The following C10orf90 variants were observed in gnomAD, a reference collection of about 807,000 sequenced individuals.
C10orf90 encodes (E2-independent) E3 ubiquitin-conjugating enzyme FATS.
C10orf90 carries 56 observed loss-of-function variants against 62.5 expected under a neutral mutation model. The ratio of observed to expected loss-of-function variants is 0.90; its 90% CI spans 0.72 to 1.12. C10orf90 has a LOEUF of 1.12. C10orf90 is among the 50% of genes most tolerant of loss of function. The pLI is 0.00. For missense variants in C10orf90, 970 were observed against 880.4 expected, an observed-to-expected ratio of 1.10 and a Z score of -1.29; for synonymous variants, 386 against 340.4, an observed-to-expected ratio of 1.13 and a Z score of -1.47.
At chr10:126,657,901 C>T (rs887434163) in intron 1 of C10orf90, among the ~76,000 whole-genome samples, 2 of 152,126 alleles carry the variant, frequency 1.3e-5, no homozygotes, top group African/African-American at 2.4e-5. Context: ...CAGGCATGAG[C>T]CACTGTGCCC....
intron 2 of C10orf90, among the ~76,000 whole-genome samples, chr10:126,582,786 T>C (rs1844780608): frequency 6.6e-6 from 1 of 152,200 alleles, no homozygotes; most frequent in South Asian, 2.1e-4. Flanking sequence ...TTACCTCCAA[T>C]AATCTCAAGG....
intron 2 of C10orf90, among the ~76,000 whole-genome samples, chr10:126,642,219 G>A (rs1011914886): frequency 7.2e-5 from 11 of 152,246 alleles, no homozygotes; most frequent in African/African-American, 1.9e-4. Flanking sequence ...CAAGGTCAAC[G>A]CTGGCACTAC....
chr10:126,624,069 C>T (rs1055522237), intron 2 of C10orf90, among the ~76,000 whole-genome samples: 1 of 151,926 alleles, frequency 6.6e-6, no homozygotes, highest in Non-Finnish European at 1.5e-5. Flanking sequence ...CAACTGGGGC[C>T]TAGCGCGGTG....
intron 2 of C10orf90, among the ~76,000 whole-genome samples, chr10:126,542,657 T>TA (rs999423984): frequency 2.0e-5 from 3 of 152,122 alleles, no homozygotes; most frequent in African/African-American, 7.2e-5. Context: ...TTAACTCAAT[T>TA]AAAAAAGCAA....
intron 2 of C10orf90, among the ~76,000 whole-genome samples, chr10:126,593,671 G>A (rs1423084157): frequency 6.6e-6 from 1 of 152,038 alleles, no homozygotes; most frequent in Admixed American, 6.6e-5. Context: ...TAACAAACCT[G>A]CACATGTGCC....
chr10:126,444,874 T>TA (rs1288367820), intron 7 of C10orf90, among the ~76,000 whole-genome samples: 6 of 152,174 alleles, frequency 3.9e-5, no homozygotes, highest in Non-Finnish European at 5.9e-5. Context: ...CTCAAATACT[T>TA]ACAGCCACTG....
At chr10:126,547,421 A>T (rs1363053806) in intron 2 of C10orf90, among the ~76,000 whole-genome samples, 12 of 151,406 alleles carry the variant, frequency 7.9e-5, no homozygotes, top group African/African-American at 2.2e-4. Context: ...TGTCAAAAAA[A>T]AAAAAAATAA....
At chr10:126,474,118 GT>G (rs1860732043) in intron 4 of C10orf90, among the ~76,000 whole-genome samples, 1 of 152,142 alleles carries the variant, frequency 6.6e-6, no homozygotes, top group African/African-American at 2.4e-5. Flanking sequence ...AATCTGCATT[GT>G]AACCAGTTCC....
intron 2 of C10orf90, among the ~76,000 whole-genome samples, chr10:126,535,688 G>A (rs186556049): frequency 6.4e-4 from 98 of 152,206 alleles, no homozygotes; most frequent in African/African-American, 2.4e-3. Context: ...GGAAATAAAC[G>A]TGGAGAAAAA....
chr10:126,471,387 A>G (rs1469364111), intron 4 of C10orf90, among the ~76,000 whole-genome samples: 1 of 152,238 alleles, frequency 6.6e-6, no homozygotes, highest in Non-Finnish European at 1.5e-5. Flanking sequence ...GTCAACCATT[A>G]GAACCTTTTC....
At chr10:126,609,821 G>A (rs1204477032) in intron 2 of C10orf90, among the ~76,000 whole-genome samples, 1 of 152,240 alleles carries the variant, frequency 6.6e-6, no homozygotes, top group Non-Finnish European at 1.5e-5. Flanking sequence ...GGTTTGTTCT[G>A]AGAGAGCTGT....
At chr10:126,483,750 C>G (rs139770521) in intron 4 of C10orf90, among the ~76,000 whole-genome samples, 6 of 152,334 alleles carry the variant, frequency 3.9e-5, no homozygotes, top group African/African-American at 7.2e-5. Flanking sequence ...TCAGAGGCCC[C>G]AGAGTGAGGC....
At chr10:126,444,227 A>G (rs1466833475) in intron 7 of C10orf90, among the ~76,000 whole-genome samples, 1 of 152,152 alleles carries the variant, frequency 6.6e-6, no homozygotes, top group Non-Finnish European at 1.5e-5. Flanking sequence ...ACAGGAGGTC[A>G]AACTGTCACT....
intron 2 of C10orf90, among the ~76,000 whole-genome samples, chr10:126,590,011 A>G (rs72839056): frequency 0.1 from 15,284 of 152,218 alleles, 1,160 homozygotes; most frequent in African/African-American, 0.21. Flanking sequence ...TTTACCAAGA[A>G]AATGGAAAAC....
Position 126,442,631 on chromosome 10 carries a change from GTGTATATATATATATATA to G in C10orf90, c.2189-12799_2189-12782del, listed in dbSNP as rs1377076656. On this transcript the variant is annotated intron_variant, in intron 7 of 9. Transcript: ENST00000488181. Reference sequence around the variant, plus strand: ...GAAGTTCCCTACTATTATTGTGTGTGTGTATATATATATATATATATATATATATATATATATATATAT... The same window carrying G: ...GAAGTTCCCTACTATTATTGTGTGTGTATATATATATATATATATATATAT... Among the ~76,000 whole-genome samples the G allele has an allele frequency of 4.9e-3, 451 of 91,862 alleles. 6 individuals carry two copies. Among genetic ancestry groups the G allele is most frequent in the African/African-American group, 0.021 (436 of 21,176 alleles). The allele number at this position is 91,862 out of a possible 152,430, so 60.3% of individuals were successfully genotyped here.
intron 4 of C10orf90, among the ~76,000 whole-genome samples, chr10:126,473,393 G>A (rs1860691620): frequency 1.3e-5 from 2 of 152,148 alleles, no homozygotes; most frequent in Non-Finnish European, 2.9e-5. Flanking sequence ...AATGGTCCTA[G>A]CTAAAAACAT....
Position 126,442,499 on chromosome 10 carries a change from A to ATATATATATATATATATATATATATG in C10orf90, c.2189-12650_2189-12649insCATATATATATATATATATATATATA, listed in dbSNP as rs1171760972. 2.5e-4 allele frequency among the ~76,000 whole-genome samples: 28 copies of ATATATATATATATATATATATATATG among 111,840 alleles called. 2 individuals carry two copies. Among genetic ancestry groups the ATATATATATATATATATATATATATG allele is most frequent in the African/African-American group, 1.0e-3 (28 of 27,832 alleles). The allele number at this position is 111,840 out of a possible 152,430, so 73.4% of individuals were successfully genotyped here. A position where few individuals can be genotyped will look rare whatever the true frequency, so the allele number is the denominator to read the frequency against. ...ATTTCATATATATATATATATATAT[A>ATATATATATATATATATATATATATG]TATATATATCTGTTAAGTCCATTTG... On this transcript the variant is annotated intron_variant, in intron 7 of 9. Transcript: ENST00000488181.
intron 2 of C10orf90, among the ~76,000 whole-genome samples, chr10:126,570,294 T>C (rs1267715611): frequency 1.3e-5 from 2 of 152,214 alleles, no homozygotes; most frequent in African/African-American, 4.8e-5. Flanking sequence ...TTTTCAACAG[T>C]GCTGGCACAC....
chr10:126,502,057 C>T (rs1161047315), intron 4 of C10orf90, among the ~76,000 whole-genome samples: 2 of 146,250 alleles, frequency 1.4e-5, no homozygotes, highest in South Asian at 2.2e-4. Context: ...ACACCACACA[C>T]ACGCACACAC....
Sources: gnomAD v4.1 joint callset for allele counts (sites outside exome capture counted in the v4.1 genomes callset) on GRCh38, gnomAD v4.1.1 for gene constraint, MANE v1.5 for transcripts, NCBI Gene and HGNC (gene_info 2026-07-23, HGNC 2026-07-21) for gene names.